Variants in PCDHGB1 observed in about 807,000 individuals in gnomAD.
The protein encoded by PCDHGB1 is protocadherin gamma subfamily B, 1.
PCDHGB1 carries 34 observed loss-of-function variants against 56.6 expected under a neutral mutation model. The ratio of observed to expected loss-of-function variants is 0.60; its 90% confidence interval spans 0.46 to 0.80. The LOEUF (loss-of-function observed/expected upper bound fraction) is 0.80. Among genes scored for constraint, PCDHGB1 ranks in the 30% least tolerant of loss-of-function variants. The pLI is 0.00. For missense variants in PCDHGB1, 1,278 were observed against 1,204.6 expected (o/e 1.06, Z -0.90); for synonymous variants, 561 against 505.9 (o/e 1.11, Z -1.46).
intron 1 of PCDHGB1, chr5:141,468,667 CCATCCTGGCTAA>C (rs2099172391): frequency 6.7e-6 from 1 of 149,836 alleles, no homozygotes; most frequent in African/African-American, 2.5e-5. Flanking sequence ...GAGATCAAGA[CCATCCTGGCTAA>C]CACGGTGAAA....
At chr5:141,371,368 G>A in intron 1 of PCDHGB1, 1 of 1,613,970 alleles carries the variant, frequency 6.2e-7, no homozygotes, top group South Asian at 1.1e-5. Flanking sequence ...AAGGATGGTG[G>A]ACATCACACT....
intron 1 of PCDHGB1, chr5:141,423,454 G>C (rs1323921797): frequency 1.9e-6 from 3 of 1,614,030 alleles, no homozygotes; most frequent in Non-Finnish European, 2.5e-6. Context: ...ACATTTTGTA[G>C]GCGTGGACGG....
intron 1 of PCDHGB1, chr5:141,390,010 T>C: frequency 6.2e-7 from 1 of 1,614,044 alleles, no homozygotes; most frequent in East Asian, 2.2e-5. Context: ...ATTCTGGCCA[T>C]TGCCTTGCGC....
At chr5:141,469,807 T>C (rs1294838215) in intron 1 of PCDHGB1, among the ~76,000 whole-genome samples, 1 of 152,070 alleles carries the variant, frequency 6.6e-6, no homozygotes, top group African/African-American at 2.4e-5. Context: ...AAAAACATTG[T>C]AGATAGAATG....
At chr5:141,374,684 G>A in intron 1 of PCDHGB1, 1 of 1,609,636 alleles carries the variant, frequency 6.2e-7, no homozygotes, top group Non-Finnish European at 8.5e-7. Flanking sequence ...GGGCACACTG[G>A]ACCGGGAAGG....
rs941528168 is a variant in PCDHGB1, at chr5:141,476,433, T to C, written c.2410-18374T>C. 2 of 1,614,094 alleles carry C rather than the reference T, an allele frequency of 1.2e-6. No individual in the cohort carries two copies. The highest frequency in any genetic ancestry group is 2.2e-5 in the East Asian group (1 of 44,856). ...TGTGGGACACTGCCCTCTTGCACTGTAACTCTGGAGTTGGTAGTGGAGAAC... is the reference window on the plus strand; with the variant it reads ...TGTGGGACACTGCCCTCTTGCACTGCAACTCTGGAGTTGGTAGTGGAGAAC... On this transcript the variant is annotated intron_variant, in intron 1 of 3. Coordinates refer to ENST00000523390, the MANE Select transcript of PCDHGB1 (RefSeq NM_018922.3). This position sits in a 1 kb window ranked among gnomAD's most constrained non-coding sequence, Gnocchi z 7.6.
chr5:141,355,212 T>C, intron 1 of PCDHGB1: 1 of 1,600,656 alleles, frequency 6.2e-7, no homozygotes. Flanking sequence ...TGGCGGCGCC[T>C]CCTGCTCGCC....
intron 1 of PCDHGB1, chr5:141,383,579 A>G (rs756026538): frequency 6.2e-7 from 1 of 1,613,596 alleles, no homozygotes. Context: ...AGCACCGCCC[A>G]CATCCAGGTG....
Position 141,494,830 on chromosome 5 carries a change from G to C in PCDHGB1, c.2433G>C (p.Trp811Cys), listed in dbSNP as rs2099757104. Residue 811 changes from tryptophan (W) to cysteine (C), a missense_variant, in exon 2 of 4, where the codon TGG (tryptophan) becomes TGC (cysteine). Coordinates refer to ENST00000523390, the MANE Select transcript of PCDHGB1 (RefSeq NM_018922.3). ...AGCAAGCCCCGCCCAACACGGACTG[G>C]CGTTTCTCTCAGGCCCAGAGACCCG... The part of the protein sequence containing the change: ...SSHQAPPNTD[W>C]RFSQAQRPGT... 6.2e-7 allele frequency: 1 copy of C among 1,614,098 alleles called. No homozygotes were observed. The highest frequency in any genetic ancestry group is 2.2e-5 in the East Asian group (1 of 44,862).
chr5:141,404,021 A>C lies in PCDHGB1; in HGVS notation c.2409+51352A>C, dbSNP rs192150782. 5 of 1,613,894 alleles carry C rather than the reference A, an allele frequency of 3.1e-6. No individual in the cohort carries two copies. The African/African-American group carries it at 4.0e-5, about 13-fold the overall frequency. ...CATTACATCTCTGTTTAGCCCAGTG[A>C]GAGAAGACGCACCTCAGGGAACAGT... On this transcript the variant is annotated intron_variant, in intron 1 of 3. Coordinates refer to ENST00000523390, the MANE Select transcript of PCDHGB1 (RefSeq NM_018922.3).
At chr5:141,421,434 C>T (rs1247535353) in intron 1 of PCDHGB1, 1 of 1,613,980 alleles carries the variant, frequency 6.2e-7, no homozygotes, top group Non-Finnish European at 8.5e-7. Context: ...GCATCGTCTC[C>T]AGAGGGAAGA....
chr5:141,385,108 A>C, intron 1 of PCDHGB1: 1 of 1,614,126 alleles, frequency 6.2e-7, no homozygotes, highest in Non-Finnish European at 8.5e-7. Flanking sequence ...GAACGTGCCC[A>C]CCTCGCACTT....
intron 1 of PCDHGB1, chr5:141,417,670 A>T: frequency 1.1e-6 from 1 of 929,118 alleles, no homozygotes; most frequent in Admixed American, 3.2e-5. Context: ...TTCCCTGCGC[A>T]GCCAACAACA....
chr5:141,370,607 G>T, intron 1 of PCDHGB1: 1 of 1,614,004 alleles, frequency 6.2e-7, no homozygotes, highest in South Asian at 1.1e-5. Context: ...TTATTGCAGA[G>T]AAGAAATTCT....
chr5:141,423,348 C>G, intron 1 of PCDHGB1: 1 of 1,614,222 alleles, frequency 6.2e-7, no homozygotes. Flanking sequence ...TCTTCCTGGT[C>G]TTTGTCATCG....
intron 1 of PCDHGB1, chr5:141,413,176 A>T: frequency 6.2e-7 from 1 of 1,601,892 alleles, no homozygotes; most frequent in Non-Finnish European, 8.5e-7. Context: ...CCAGACTACA[A>T]TGGCCGCTCA....
intron 1 of PCDHGB1, among the ~76,000 whole-genome samples, chr5:141,353,303 A>G (rs1759240913): frequency 6.6e-6 from 1 of 152,202 alleles, no homozygotes; most frequent in Non-Finnish European, 1.5e-5. Flanking sequence ...CTCTTTATAA[A>G]TGTATTTAGA....
chr5:141,409,304 C>T, intron 1 of PCDHGB1: 2 of 1,613,954 alleles, frequency 1.2e-6, no homozygotes, highest in Non-Finnish European at 1.7e-6. Flanking sequence ...GGTTGTTGCC[C>T]TCTTCAAAAC....
chr5:141,491,143 C>A lies in PCDHGB1; in HGVS notation c.2410-3664C>A. 1.2e-6 allele frequency: 2 copies of A among 1,614,142 alleles called. No homozygotes were observed. Among genetic ancestry groups the A allele is most frequent in the South Asian group, 1.1e-5 (1 of 91,082 alleles). On this transcript the variant is annotated intron_variant, in intron 1 of 3. Transcript: ENST00000523390. This position sits in a 1 kb window ranked among gnomAD's most constrained non-coding sequence, Gnocchi z 6.9. ...TGAGGTGCGCACAGCCCGGGCCTTA[C>A]TGGAGGATGACTCTGACACCCAGCA... is the stretch of plus-strand genomic sequence containing the variant.
Sources: allele counts gnomAD v4.1 joint callset (sites outside exome capture counted in the v4.1 genomes callset), GRCh38; gene constraint gnomAD v4.1.1; non-coding constraint Gnocchi (gnomAD v3.1); transcripts MANE v1.5; gene names NCBI Gene and HGNC (gene_info 2026-07-23, HGNC 2026-07-21).